ZNF283: variants seen among roughly 807,000 people sequenced by gnomAD.
The protein encoded by ZNF283 is zinc finger protein 283.
ZNF283 carries 10 observed loss-of-function variants against 9.2 expected under a neutral mutation model. The observed-to-expected ratio is 1.09, with a 90% CI of 0.67 to 1.85. The LOEUF is 1.85. Ranked by LOEUF, ZNF283 falls within the 40% of genes most tolerant of loss-of-function variation. The pLI, the probability that ZNF283 is intolerant of heterozygous loss-of-function variation, is 0.00. For missense variants in ZNF283, 631 were observed against 760.1 expected, an observed-to-expected ratio of 0.83 and a Z score of 2.00; for synonymous variants, 234 against 244.1, an observed-to-expected ratio of 0.96 and a Z score of 0.38.
chr19:43,851,684 T>C lies in ZNF283; in HGVS notation c.*3043T>C, dbSNP rs932590103. 2 of 152,210 alleles carry C rather than the reference T, an allele frequency of 1.3e-5. No individual in the cohort carries two copies. The highest frequency in any genetic ancestry group is 4.8e-5 in the African/African-American group (2 of 41,458). The allele number at this position is 152,210 out of a possible 1,614,324, so 9.4% of individuals were successfully genotyped here. On this transcript the variant is annotated 3_prime_UTR_variant, in exon 7 of 7. Transcript: ENST00000618787. ...GTGAGCCGAGATTGCGCCACTGCAC[T>C]CCAGCCTGGGCGACAGAGCGAGACT... is the stretch of plus-strand genomic sequence containing the variant.
At position 43,837,190 on chromosome 19, in the gene ZNF283, C is replaced by A. The variant is rs1372385835; in HGVS notation, c.337+11C>A. The A allele has an allele frequency of 6.3e-7, 1 of 1,581,844 alleles. No individual in the cohort carries two copies. The highest frequency in any genetic ancestry group is 8.6e-7 in the Non-Finnish European group (1 of 1,166,198). ...ACTTGGTGTCACTGGGTAAGGTCAT[C>A]TGCCTGAAATAATTTAGAGTCTCCT... On this transcript the variant is annotated intron_variant, in intron 6 of 6. Coordinates refer to ENST00000618787, the MANE Select transcript of ZNF283 (RefSeq NM_181845.2).
chr19:43,847,218 C>G lies in ZNF283; in HGVS notation c.617C>G (p.Ser206Cys). 6.2e-7 allele frequency: 1 copy of G among 1,613,846 alleles called. No homozygotes were observed. ...PHQRIHNTEK[S>C]YVCKECGKAC... The stretch of plus-strand genomic sequence containing the variant: ...CAAAGAATTCATAATACAGAGAAAT[C>G]CTATGTTTGTAAGGAATGTGGGAAG... The change falls in exon 7 of 7, where the codon TCC becomes TGC. Residue 206 changes from serine (S) to cysteine (C), a missense_variant. Physicochemically the swap from Ser to Cys is moderately radical, Grantham distance 112. This residue lies in a region of ZNF283 where 184 missense variants were observed against 220.0 expected (regional missense o/e 0.84). Coordinates refer to ENST00000618787, the MANE Select transcript of ZNF283 (RefSeq NM_181845.2).
rs543549437 is a variant in ZNF283, at chr19:43,848,943, A to G, written c.*302A>G. The G allele has an allele frequency of 4.7e-6, 1 of 211,954 alleles. No individual in the cohort carries two copies. Among genetic ancestry groups the G allele is most frequent in the Non-Finnish European group, 9.4e-6 (1 of 106,014 alleles). The allele number at this position is 211,954 out of a possible 1,614,324, so 13.1% of individuals were successfully genotyped here. A position where few individuals can be genotyped will look rare whatever the true frequency, so the allele number is the denominator to read the frequency against. ...ATTCATGACATAAGGTCTGATTAAC[A>G]TCAAATAATTGGTATTTGTTAAAAA... On this transcript the variant is annotated 3_prime_UTR_variant, in exon 7 of 7. Transcript: ENST00000618787.
chr19:43,845,197 C>G (rs751209485), intron 6 of ZNF283, among the ~76,000 whole-genome samples: 1 of 152,004 alleles, frequency 6.6e-6, no homozygotes, highest in African/African-American at 2.4e-5. Flanking sequence ...TTTTAATATA[C>G]CTGGGGTTAT....
intron 6 of ZNF283, among the ~76,000 whole-genome samples, chr19:43,844,660 T>G (rs1971339405): frequency 6.6e-6 from 1 of 152,108 alleles, no homozygotes; most frequent in African/African-American, 2.4e-5. Flanking sequence ...CTTCCCACAT[T>G]CACATCACAA....
chr19:43,845,826 T>C (rs1971380026), intron 6 of ZNF283, among the ~76,000 whole-genome samples: 1 of 152,150 alleles, frequency 6.6e-6, no homozygotes, highest in African/African-American at 2.4e-5. Context: ...CCCATATGCA[T>C]TTAAACCTGC....
At chr19:43,837,319 G>A (rs1971024499) in intron 6 of ZNF283, 140 bp downstream of exon 6, 2 of 872,980 alleles carry the variant, frequency 2.3e-6, no homozygotes, top group Non-Finnish European at 3.3e-6. Flanking sequence ...TATACTTGCT[G>A]GGTTAGAAAT....
chr19:43,842,769 C>T (rs1272599867), intron 6 of ZNF283, among the ~76,000 whole-genome samples: 1 of 152,196 alleles, frequency 6.6e-6, no homozygotes, highest in African/African-American at 2.4e-5. Context: ...GGTGAATCTT[C>T]TCTGCTTTAG....
chr19:43,842,923 C>G (rs1971269146), intron 6 of ZNF283, among the ~76,000 whole-genome samples: 1 of 149,722 alleles, frequency 6.7e-6, no homozygotes, highest in Non-Finnish European at 1.5e-5. Flanking sequence ...AAATCTCAAC[C>G]CTTGATTATA....
chr19:43,833,651 T>C (rs7255083), intron 4 of ZNF283, 25 bp downstream of exon 4: 59,614 of 155,314 alleles, frequency 0.38, 11,803 homozygotes, highest in Non-Finnish European at 0.43. Flanking sequence ...ACCCAGCTAA[T>C]TTTTTTTGTA....
rs55882936 is a variant in ZNF283 at position 43,833,484 on chromosome 19, C to CTTTTTTTTTTTTTTTTTTTTTTTTT, written c.1-4_1-3insTTTTTTTTTTTTTTTTTTTTTTTTT. The CTTTTTTTTTTTTTTTTTTTTTTTTT allele has an allele frequency of 5.1e-5, 7 of 138,078 alleles. 1 individual carries two copies. The highest frequency in any genetic ancestry group is 1.2e-4 in the African/African-American group (3 of 24,998). 8.6% of individuals were successfully genotyped at this position (138,078 alleles called of 1,614,324 possible). On this transcript the variant is annotated intron_variant, in intron 3 of 6. Coordinates refer to ENST00000618787, the MANE Select transcript of ZNF283 (RefSeq NM_181845.2). Reference sequence around the variant, plus strand: ...GTGTTTCTTTCTTCTTTACCTATTTCTTTTTTTTTTTTTTTTTCAGATGGA... The same window carrying CTTTTTTTTTTTTTTTTTTTTTTTTT: ...GTGTTTCTTTCTTCTTTACCTATTTCTTTTTTTTTTTTTTTTTTTTTTTTTTTTTTTTTTTTTTTTTTCAGATGGA...
intron 6 of ZNF283, among the ~76,000 whole-genome samples, chr19:43,845,675 T>C (rs1190903240): frequency 6.6e-6 from 1 of 152,176 alleles, no homozygotes; most frequent in Non-Finnish European, 1.5e-5. Flanking sequence ...CTTCATGTAT[T>C]GAAGAAAAAG....
intron 4 of ZNF283, among the ~76,000 whole-genome samples, chr19:43,835,085 G>T (rs1970906698): frequency 1.3e-5 from 2 of 152,084 alleles, no homozygotes; most frequent in Admixed American, 1.3e-4. Context: ...TCTGCGTCAT[G>T]AATATTCTGA....
intron 2 of ZNF283, among the ~76,000 whole-genome samples, chr19:43,828,907 T>C (rs1186484250): frequency 6.6e-6 from 1 of 152,204 alleles, no homozygotes; most frequent in Non-Finnish European, 1.5e-5. Flanking sequence ...TGTTGTCTGC[T>C]TTGTGAGGCT....
At chr19:43,834,691 G>T (rs533060268) in intron 4 of ZNF283, among the ~76,000 whole-genome samples, 3 of 152,066 alleles carry the variant, frequency 2.0e-5, no homozygotes, top group African/African-American at 7.2e-5. Flanking sequence ...TGCCTCCCGG[G>T]TTCACGCCAT....
At chr19:43,842,069 T>C (rs73052665) in intron 6 of ZNF283, among the ~76,000 whole-genome samples, 61,465 of 151,964 alleles carry the variant, frequency 0.4, 12,853 homozygotes, top group South Asian at 0.55. Context: ...TCAAATACTT[T>C]TTTCTGCTTC....
In ZNF283 at chr19:43,831,356, A is replaced by G. The variant is rs1970701175; in HGVS notation, c.-26A>G. 1.3e-6 allele frequency: 2 copies of G among 1,596,230 alleles called. No homozygotes were observed. On this transcript the variant is annotated 5_prime_UTR_variant, in exon 3 of 7. In the 5' UTR this introduces an upstream ATG that the reference lacks. Coordinates refer to ENST00000618787, the MANE Select transcript of ZNF283 (RefSeq NM_181845.2). ...GTGAATGTGTCTCATTACATTGAATAACAGCTACAGGATGTTCGAGAGCTG... is the reference window on the plus strand; with the variant it reads ...GTGAATGTGTCTCATTACATTGAATGACAGCTACAGGATGTTCGAGAGCTG...
intron 3 of ZNF283, among the ~76,000 whole-genome samples, chr19:43,832,881 G>A (rs112734566): frequency 0.01 from 1,576 of 151,838 alleles, 29 homozygotes; most frequent in African/African-American, 0.036. Context: ...ATCATTAGTC[G>A]GGCAAGGTGG....
At chr19:43,840,608 TCATC>T (rs953131395) in intron 6 of ZNF283, 1 of 152,192 alleles carries the variant, frequency 6.6e-6, no homozygotes, top group Non-Finnish European at 1.5e-5. Context: ...GCCTCTTTAT[TCATC>T]CAGCACTCCC....
Sources: gnomAD v4.1 joint callset for allele counts (sites outside exome capture counted in the v4.1 genomes callset) on GRCh38, gnomAD v4.1.1 for gene constraint, gnomAD v4.1.1 regional missense constraint, MANE v1.5 for transcripts, NCBI Gene and HGNC (gene_info 2026-07-23, HGNC 2026-07-21) for gene names.